Variants in TTN observed in about 807,000 individuals in gnomAD.
TTN encodes connectin.
In TTN, 1,525 loss-of-function variants were observed where a neutral mutation model predicts 3,223.0. The observed-to-expected ratio is 0.47, with a 90% CI of 0.45 to 0.49. The LOEUF is 0.49. Ranked by LOEUF, TTN falls within the 20% of genes least tolerant of loss-of-function variation. TTN has a pLI of 0.00. For missense variants in TTN, 40,786 were observed against 43,424.0 expected (o/e 0.94, Z 5.40); for synonymous variants, 14,094 against 15,161.0 (o/e 0.93, Z 5.17).
At position 178,639,726 on chromosome 2, in the gene TTN, T is replaced by C. The variant is rs753652867; in HGVS notation, c.40849A>G (p.Thr13617Ala). ...PEPTPIAAPV[T>A]VPVVGKKAEA... is the part of the protein sequence containing the mutation. ...GCTTTCTTTCCAACCACTGGCACTG[T>C]TACTGGGGCAGCGATGGGGGTTGGT... Residue 13617 changes from threonine to alanine, a missense_variant, in exon 223 of 363, where the codon ACA becomes GCA. Transcript: ENST00000589042. The C allele has an allele frequency of 6.2e-7, 1 of 1,611,714 alleles. No homozygotes were observed. Among genetic ancestry groups the C allele is most frequent in the Non-Finnish European group, 8.5e-7 (1 of 1,178,670 alleles).
rs200131545 is a variant in TTN, at chr2:178,773,588, G to A, written c.7468C>T (p.Arg2490Cys). ...GTACCTTTCACAATGGCCTGTACAC[G>A]GTCATCAGGCTTGATTTGTTCATCA... ...LNDEQIKPDD[R>C]VQAIVKGTKQ... The change falls in exon 32 of 363, where the codon CGT becomes TGT. Residue 2490 changes from arginine (R) to cysteine (C), a missense_variant. Coordinates refer to ENST00000589042, the MANE Select transcript of TTN (RefSeq NM_001267550.2). The A allele has an allele frequency of 9.9e-6, 16 of 1,613,828 alleles. No individual in the cohort carries two copies. The highest frequency in any genetic ancestry group is 1.3e-5 in the Non-Finnish European group (15 of 1,179,942).
chr2:178,534,057 G>A lies in TTN; in HGVS notation c.102558C>T (p.Thr34186=), dbSNP rs1457807365. The change falls in exon 358 of 363, where the codon ACC becomes ACT. Residue 34186 remains threonine, a synonymous_variant. Coordinates refer to ENST00000589042, the MANE Select transcript of TTN (RefSeq NM_001267550.2). ...AGAGGATGGCCACTCCATCTTCGTA[G>A]GTGATTTCGTATTTCTCACTGTTCT... is the stretch of plus-strand genomic sequence containing the variant. ...QLENSEKYEI[T]YEDGVAILYV... The A allele has an allele frequency of 3.7e-6, 6 of 1,613,820 alleles. No individual in the cohort carries two copies. The highest frequency in any genetic ancestry group is 3.3e-5 in the South Asian group (3 of 91,086).
intron 47 of TTN, chr2:178,748,766 G>A: frequency 6.2e-7 from 1 of 1,612,322 alleles, no homozygotes; most frequent in Non-Finnish European, 8.5e-7. Context: ...CCTTTCTTGT[G>A]CGTCAAATTC....
In TTN at chr2:178,578,065, C is replaced by T. The variant is rs372496072; in HGVS notation, c.68450G>A (p.Arg22817Gln). The T allele has an allele frequency of 1.4e-5, 22 of 1,613,212 alleles. No homozygotes were observed. In the East Asian group the frequency reaches 2.9e-4, roughly 21 times the overall value. The change falls in exon 322 of 363, where the codon CGA becomes CAA. Residue 22817 changes from arginine to glutamine, a missense_variant. Arg to Gln is a conservative substitution (Grantham distance 43). Transcript: ENST00000589042. ...GLTEGLEYEFRVMAINLAGVG... is the reference protein window; with the variant it reads ...GLTEGLEYEFQVMAINLAGVG... ...ACCTGCTAAATTGATTGCCATAACT[C>T]GGAATTCATATTCAAGACCTTCAGT...
rs1431823102 is a variant in TTN at position 178,728,679 on chromosome 2, A to C, written c.19247T>G (p.Val6416Gly). The C allele has an allele frequency of 6.2e-7, 1 of 1,613,264 alleles. No homozygotes were observed. The highest frequency in any genetic ancestry group is 1.7e-5 in the Admixed American group (1 of 59,930). Reference sequence around the variant, plus strand: ...TTGTTTCCCGTCTTTAAGCCATTTCACTTTGAGTTCTGGTGTTCCAGCCAC... The same window carrying C: ...TTGTTTCCCGTCTTTAAGCCATTTCCCTTTGAGTTCTGGTGTTCCAGCCAC... ...CVVAGTPELK[V>G]KWLKDGKQIV... Residue 6416 changes from valine (V) to glycine (G), a missense_variant, in exon 66 of 363, where the codon GTG (valine) becomes GGG (glycine). By Grantham distance (109) the Val-to-Gly change is moderately radical. Coordinates refer to ENST00000589042, the MANE Select transcript of TTN (RefSeq NM_001267550.2).
chr2:178,610,044 A>C (rs1362957644), intron 271 of TTN, 46 bp downstream of exon 271: 10 of 1,610,948 alleles, frequency 6.2e-6, no homozygotes, highest in Non-Finnish European at 8.5e-6. Flanking sequence ...AAACAAAACT[A>C]TGGTTTATTA....
chr2:178,559,179 A>T, intron 326 of TTN, 132 bp downstream of exon 326: 1 of 781,284 alleles, frequency 1.3e-6, no homozygotes, highest in East Asian at 2.6e-5. Flanking sequence ...GTGCCATAGT[A>T]TGAATAGTTT....
At position 178,557,510 on chromosome 2, in the gene TTN, C is replaced by T. The variant is rs373830762; in HGVS notation, c.87752G>A (p.Arg29251Gln). The part of the protein sequence containing the change: ...PSTPWVTNVT[R>Q]ESITVGWHEP... ...ATGCCAGCCCACAGTGATGCTTTCT[C>T]GAGTAACATTAGTGACCCATGGTGT... Residue 29251 changes from arginine to glutamine, a missense_variant, in exon 329 of 363, where the codon CGA becomes CAA. Physicochemically the swap from Arg to Gln is conservative, Grantham distance 43. Transcript: ENST00000589042. 3.7e-6 allele frequency: 6 copies of T among 1,613,874 alleles called. No homozygotes were observed. The highest frequency in any genetic ancestry group is 4.2e-6 in the Non-Finnish European group (5 of 1,179,858).
At chr2:178,688,465 A>T (rs1416625536) in intron 126 of TTN, among the ~76,000 whole-genome samples, 1 of 152,176 alleles carries the variant, frequency 6.6e-6, no homozygotes. Flanking sequence ...CATTTTCGGG[A>T]CTCATCCACT....
In TTN at chr2:178,776,985, A is replaced by T; in HGVS notation, c.4879T>A (p.Trp1627Arg). 6.2e-7 allele frequency: 1 copy of T among 1,614,062 alleles called. No homozygotes were observed. The highest frequency in any genetic ancestry group is 1.1e-5 in the South Asian group (1 of 91,082). ...IDSTVSQDSA[W>R]YTATAINKAG... ...TTATTAATAGCAGTCGCAGTATACCAGGCAGAATCTTGGCTGACAGTGGAA... is the reference window on the plus strand; with the variant it reads ...TTATTAATAGCAGTCGCAGTATACCTGGCAGAATCTTGGCTGACAGTGGAA... Residue 1627 changes from tryptophan (W) to arginine (R), a missense_variant, in exon 28 of 363, where the codon TGG becomes AGG. Physicochemically the swap from Trp to Arg is moderately radical, Grantham distance 101 (BLOSUM62 -3). Coordinates refer to ENST00000589042, the MANE Select transcript of TTN (RefSeq NM_001267550.2).
rs978428919 is a variant in TTN at position 178,649,685 on chromosome 2, A to G, written c.39896-54T>C. On this transcript the variant is annotated intron_variant, in intron 211 of 362. Transcript: ENST00000589042. The stretch of plus-strand genomic sequence containing the variant: ...TACAAAGTTGTGAGATGTAAGATAT[A>G]CATACAAGTTTATTCAACACTGTAA... 59 of 1,541,226 alleles carry G rather than the reference A, an allele frequency of 3.8e-5. No individual in the cohort carries two copies. In the Admixed American group the frequency reaches 1.1e-3, roughly 29 times the overall value.
Position 178,566,753 on chromosome 2 carries a change from C to T in TTN, c.79379G>A (p.Arg26460Lys). 2 of 1,613,376 alleles carry T rather than the reference C, an allele frequency of 1.2e-6. No individual in the cohort carries two copies. The stretch of plus-strand genomic sequence containing the variant: ...TCCAGCAGCATTTTCTGCAGAGACC[C>T]TGAATTCATACTCATGATCTTCTGT... ...GLTEDHEYEF[R>K]VSAENAAGVG... Residue 26460 changes from arginine to lysine, a missense_variant, in exon 326 of 363, where the codon AGG (arginine) becomes AAG (lysine). Physicochemically the swap from Arg to Lys is conservative, Grantham distance 26 (BLOSUM62 2). Transcript: ENST00000589042.
Position 178,672,649 on chromosome 2 carries a change from G to A in TTN, c.34841C>T (p.Ala11614Val). ...AGAAGATGTACCTTTGGCTGGGGGT[G>A]CCTCTTTTTTCTGAACAGGAACAGG... is the stretch of plus-strand genomic sequence containing the variant. Reference protein sequence around the residue: ...KVPVPVQKKEAPPAKVPEVPK... With the variant: ...KVPVPVQKKEVPPAKVPEVPK... The change falls in exon 153 of 363, where the codon GCA becomes GTA. Residue 11614 changes from alanine (A) to valine (V), a missense_variant. By Grantham distance (64) the Ala-to-Val change is moderately conservative (BLOSUM62 0). Coordinates refer to ENST00000589042, the MANE Select transcript of TTN (RefSeq NM_001267550.2). The A allele has an allele frequency of 6.2e-7, 1 of 1,610,956 alleles. No individual in the cohort carries two copies.
In TTN at chr2:178,570,775, G is replaced by A; in HGVS notation, c.75357C>T (p.Asp25119=). Residue 25119 remains aspartate (D), a synonymous_variant, in exon 326 of 363, where the codon GAC becomes GAT. Coordinates refer to ENST00000589042, the MANE Select transcript of TTN (RefSeq NM_001267550.2). Reference sequence around the variant, plus strand: ...ATTCACCAGCATGAACCACGATTGTGTCTTTGTATTTTGGATCCATACTTA... The same window carrying A: ...ATTCACCAGCATGAACCACGATTGTATCTTTGTATTTTGGATCCATACTTA... ...PRISMDPKYK[D]TIVVHAGESF... The A allele has an allele frequency of 6.2e-7, 1 of 1,613,560 alleles. No homozygotes were observed. The highest frequency in any genetic ancestry group is 8.5e-7 in the Non-Finnish European group (1 of 1,179,616).
In TTN at chr2:178,747,139, G is replaced by T. The variant is rs565824755; in HGVS notation, c.11312-5218C>A. ...AGTATCTCTCCAGAGTCTCTCCTGG[G>T]GGTGTGGAATATCTCTCTAGAGTCT... On this transcript the variant is annotated intron_variant, in intron 47 of 362. Coordinates refer to ENST00000589042, the MANE Select transcript of TTN (RefSeq NM_001267550.2). 50 of 1,604,922 alleles carry T rather than the reference G, an allele frequency of 3.1e-5. No homozygotes were observed. In the Admixed American group the frequency reaches 5.0e-4, roughly 16 times the overall value.
In TTN at chr2:178,672,665, C is replaced by G. The variant is rs752705322; in HGVS notation, c.34825G>C (p.Val11609Leu). Reference protein sequence around the residue: ...KIPEEKVPVPVQKKEAPPAKV... With the variant: ...KIPEEKVPVPLQKKEAPPAKV... ...GCTGGGGGTGCCTCTTTTTTCTGAACAGGAACAGGTACTTTTTCCTCAGGA... is the reference window on the plus strand; with the variant it reads ...GCTGGGGGTGCCTCTTTTTTCTGAAGAGGAACAGGTACTTTTTCCTCAGGA... The change falls in exon 153 of 363, where the codon GTT (valine) becomes CTT (leucine). Residue 11609 changes from valine (V) to leucine (L), a missense_variant. By Grantham distance (32) the Val-to-Leu change is conservative. Transcript: ENST00000589042. 1.9e-6 allele frequency: 3 copies of G among 1,610,068 alleles called. No individual in the cohort carries two copies. The highest frequency in any genetic ancestry group is 2.5e-6 in the Non-Finnish European group (3 of 1,177,674).
Position 178,533,854 on chromosome 2 carries a change from A to G in TTN, c.102761T>C (p.Leu34254Pro), listed in dbSNP as rs556155561. 8 of 1,613,914 alleles carry G rather than the reference A, an allele frequency of 5.0e-6. No individual in the cohort carries two copies. Among genetic ancestry groups the G allele is most frequent in the African/African-American group, 4.0e-5 (3 of 75,036 alleles). Residue 34254 changes from leucine to proline, a missense_variant, in exon 358 of 363, where the codon CTG becomes CCG. Physicochemically the swap from Leu to Pro is moderately conservative, Grantham distance 98 (BLOSUM62 -3). Coordinates refer to ENST00000589042, the MANE Select transcript of TTN (RefSeq NM_001267550.2). The part of the protein sequence containing the change: ...IKRRTDTMRL[L>P]ERPPEFTLPL... ...CAGGGTAAATTCTGGTGGCCTTTCC[A>G]GGAGTCTCATTGTGTCTGTTCTGCG...
rs2060149642 is a variant in TTN at position 178,634,283 on chromosome 2, C to T, written c.42415+83G>A. 8 of 1,531,478 alleles carry T rather than the reference C, an allele frequency of 5.2e-6. No homozygotes were observed. Among genetic ancestry groups the T allele is most frequent in the Non-Finnish European group, 7.0e-6 (8 of 1,148,776 alleles). 94.9% of individuals were successfully genotyped at this position (1,531,478 alleles called of 1,614,324 possible). On this transcript the variant is annotated intron_variant, in intron 230 of 362. Coordinates refer to ENST00000589042, the MANE Select transcript of TTN (RefSeq NM_001267550.2). This position sits in a 1 kb window ranked among gnomAD's most constrained non-coding sequence, Gnocchi z 4.6. ...GTTAATTAGTGATGCATTATCACAG[C>T]TTTTAGAACTTGGCGTCCTATCTTT...
At position 178,630,886 on chromosome 2, in the gene TTN, G is replaced by T. The variant is rs1048028645; in HGVS notation, c.44072C>A (p.Thr14691Lys). ...LHSVEVMETE[T>K]ARFETEISED... ...AGAGATTTCGGTTTCAAAGCGTGCT[G>T]TCTCAGTCTCCATCACCTCCACACT... is the stretch of plus-strand genomic sequence containing the variant. Residue 14691 changes from threonine to lysine, a missense_variant, in exon 238 of 363, where the codon ACA becomes AAA. Coordinates refer to ENST00000589042, the MANE Select transcript of TTN (RefSeq NM_001267550.2). 1 of 1,613,270 alleles carries T rather than the reference G, an allele frequency of 6.2e-7. No homozygotes were observed. Among genetic ancestry groups the T allele is most frequent in the African/African-American group, 1.3e-5 (1 of 75,018 alleles).
Sources: gnomAD v4.1 joint callset for allele counts (sites outside exome capture counted in the v4.1 genomes callset) on GRCh38, gnomAD v4.1.1 for gene constraint, Gnocchi (gnomAD v3.1) non-coding constraint, MANE v1.5 for transcripts, NCBI Gene and HGNC (gene_info 2026-07-23, HGNC 2026-07-21) for gene names.